The following TEAD1 variants were observed in gnomAD, a reference collection of about 807,000 sequenced individuals.
TEAD1 encodes the protein transcriptional enhancer factor TEF-1.
Under a neutral mutation model 54.9 loss-of-function variants are expected in TEAD1, and 9 were observed. The observed-to-expected ratio is 0.16, with a 90% CI of 0.10 to 0.29. TEAD1 has a LOEUF of 0.29. Ranked by LOEUF, TEAD1 falls within the 10% of genes least tolerant of loss-of-function variation. The pLI is 1.00. For missense variants in TEAD1, 387 were observed against 535.9 expected, an observed-to-expected ratio of 0.72 and a Z score of 2.74; for synonymous variants, 200 against 187.8, an observed-to-expected ratio of 1.07 and a Z score of -0.53.
chr11:12,734,152 G>A (rs970245102), intron 2 of TEAD1, among the ~76,000 whole-genome samples: 3 of 152,164 alleles, frequency 2.0e-5, no homozygotes, highest in African/African-American at 7.2e-5. Context: ...CTGGGCTCAA[G>A]AGATCCTTTT....
intron 12 of TEAD1, 77 bp downstream of exon 12, chr11:12,930,403 AGGCGCTG>A: frequency 6.3e-7 from 1 of 1,581,862 alleles, no homozygotes; most frequent in South Asian, 1.1e-5. Context: ...TGGGCCTGGG[AGGCGCTG>A]GGCCTGCGCC....
chr11:12,851,006 A>G (rs1947262112), intron 3 of TEAD1: 3 of 882,508 alleles, frequency 3.4e-6, no homozygotes, highest in Non-Finnish European at 4.1e-6. Flanking sequence ...TACAGATTTC[A>G]GGTGATATTG....
rs547389432 is a variant in TEAD1 at position 12,886,087 on chromosome 11, A to G, written c.699+2962A>G. ...AGCTTCCTTGAGGAAGTAGCCCTTA[A>G]GCCGAAAGATGGAGGATTGGACAGG... On this transcript the variant is annotated intron_variant, in intron 9 of 12. Transcript: ENST00000527636. 5.9e-5 allele frequency among the ~76,000 whole-genome samples: 9 copies of G among 152,356 alleles called. No individual in the cohort carries two copies. In the East Asian group the frequency reaches 1.5e-3, roughly 26 times the overall value.
At chr11:12,764,477 G>C in intron 3 of TEAD1, 43 bp downstream of exon 3, 3 of 1,602,776 alleles carry the variant, frequency 1.9e-6, no homozygotes, top group Non-Finnish European at 2.6e-6. Flanking sequence ...ACAACCTGCA[G>C]TTGTGGTAGG....
intron 3 of TEAD1, among the ~76,000 whole-genome samples, chr11:12,806,097 A>C (rs1427980833): frequency 6.6e-6 from 1 of 152,182 alleles, no homozygotes; most frequent in Non-Finnish European, 1.5e-5. Flanking sequence ...CTATGTTGAA[A>C]TATTTAAAGG....
At chr11:12,788,322 G>A (rs1945724719) in intron 3 of TEAD1, among the ~76,000 whole-genome samples, 1 of 151,914 alleles carries the variant, frequency 6.6e-6, no homozygotes, top group Non-Finnish European at 1.5e-5. Flanking sequence ...AGTAGTGACG[G>A]GGTTTCACCA....
At chr11:12,832,356 A>G (rs1785792939) in intron 3 of TEAD1, among the ~76,000 whole-genome samples, 1 of 152,236 alleles carries the variant, frequency 6.6e-6, no homozygotes. Context: ...GACTAGGGGG[A>G]AAAATCCAAG....
intron 3 of TEAD1, among the ~76,000 whole-genome samples, chr11:12,788,883 AC>A (rs1945738872): frequency 6.6e-6 from 1 of 152,180 alleles, no homozygotes; most frequent in Non-Finnish European, 1.5e-5. Context: ...GGGATTAAAA[AC>A]CAATTTAACT....
At chr11:12,748,197 G>T (rs1333567147) in intron 2 of TEAD1, among the ~76,000 whole-genome samples, 1 of 152,174 alleles carries the variant, frequency 6.6e-6, no homozygotes, top group Admixed American at 6.5e-5. Flanking sequence ...CCTGACCTCA[G>T]GTGATGCACC....
chr11:12,692,838 C>T (rs533664551), intron 2 of TEAD1, among the ~76,000 whole-genome samples: 8 of 152,330 alleles, frequency 5.3e-5, no homozygotes, highest in Non-Finnish European at 8.8e-5. Context: ...AGCCATGCAG[C>T]GCCTGCCAGC....
At chr11:12,833,357 A>T (rs1946820657) in intron 3 of TEAD1, among the ~76,000 whole-genome samples, 1 of 152,238 alleles carries the variant, frequency 6.6e-6, no homozygotes, top group African/African-American at 2.4e-5. Flanking sequence ...GCTGAAATGC[A>T]GGTCTGCCTT....
chr11:12,850,258 A>G (rs146653268), intron 3 of TEAD1, among the ~76,000 whole-genome samples: 27 of 152,232 alleles, frequency 1.8e-4, no homozygotes, highest in African/African-American at 6.0e-4. Flanking sequence ...CAGCGTGGGG[A>G]AACTCTGTCT....
At chr11:12,806,839 C>A (rs1353576363) in intron 3 of TEAD1, among the ~76,000 whole-genome samples, 1 of 152,114 alleles carries the variant, frequency 6.6e-6, no homozygotes, top group Non-Finnish European at 1.5e-5. Flanking sequence ...TACTTGAAAT[C>A]CCTGCAACTG....
intron 2 of TEAD1, among the ~76,000 whole-genome samples, chr11:12,702,814 T>C (rs1943731879): frequency 6.6e-6 from 1 of 152,198 alleles, no homozygotes; most frequent in Non-Finnish European, 1.5e-5. Flanking sequence ...TCACCATCAT[T>C]ATCCGATAAT....
At chr11:12,935,212 C>G (rs1306981378) in intron 12 of TEAD1, among the ~76,000 whole-genome samples, 2 of 152,268 alleles carry the variant, frequency 1.3e-5, no homozygotes, top group East Asian at 3.9e-4. Context: ...CAGGCGGAAG[C>G]TGAGGAAGGC....
rs1005034511 is a variant in TEAD1 at position 12,935,493 on chromosome 11, T to G, written c.1168-1616T>G. The stretch of plus-strand genomic sequence containing the variant: ...ATTTATTTTTGAGGTAGAGTCTTGC[T>G]CTGTTGCCCAGGCTAAAGTGCAGTG... On this transcript the variant is annotated intron_variant, in intron 12 of 12. Coordinates refer to ENST00000527636, the MANE Select transcript of TEAD1 (RefSeq NM_021961.6). Among the ~76,000 whole-genome samples, 4 of 151,886 alleles carry G rather than the reference T, an allele frequency of 2.6e-5. No individual in the cohort carries two copies. In the South Asian group the frequency reaches 8.4e-4, roughly 32 times the overall value.
chr11:12,847,459 T>A (rs942991802), intron 3 of TEAD1, among the ~76,000 whole-genome samples: 2 of 135,570 alleles, frequency 1.5e-5, no homozygotes, highest in Admixed American at 1.7e-4. Flanking sequence ...GCCTGGCAGC[T>A]CAGGAATCAT....
At chr11:12,712,320 C>G (rs1943957660) in intron 2 of TEAD1, among the ~76,000 whole-genome samples, 1 of 152,150 alleles carries the variant, frequency 6.6e-6, no homozygotes, top group Admixed American at 6.5e-5. Flanking sequence ...TGACTATGGC[C>G]TCTGGAATCT....
chr11:12,836,920 T>A (rs1348747049), intron 3 of TEAD1, among the ~76,000 whole-genome samples: 3 of 152,242 alleles, frequency 2.0e-5, no homozygotes, highest in Non-Finnish European at 4.4e-5. Context: ...TGTTGTATTA[T>A]GAAATGCAGA....
Sources: gnomAD v4.1 joint callset for allele counts (sites outside exome capture counted in the v4.1 genomes callset) on GRCh38, gnomAD v4.1.1 for gene constraint, MANE v1.5 for transcripts, NCBI Gene and HGNC (gene_info 2026-07-23, HGNC 2026-07-21) for gene names.